The following ERC2 variants were observed in gnomAD, a reference collection of about 807,000 sequenced individuals.
ERC2 encodes the protein ELKS/RAB6-interacting/CAST family member 2.
ERC2 carries 42 observed loss-of-function variants against 114.8 expected under a neutral mutation model. The observed-to-expected ratio is 0.37, with a 90% confidence interval of 0.29 to 0.47. The LOEUF is 0.47. Among genes scored for constraint, ERC2 ranks in the 20% least tolerant of loss-of-function variants. The pLI, the probability that ERC2 is intolerant of heterozygous loss-of-function variation, is 0.99. For missense variants in ERC2, 939 were observed against 1,150.7 expected (o/e 0.82, Z 2.66); for synonymous variants, 454 against 425.5 (o/e 1.07, Z -0.82).
chr3:56,408,096 C>A (rs897627460), intron 2 of ERC2, among the ~76,000 whole-genome samples: 1 of 152,138 alleles, frequency 6.6e-6, no homozygotes, highest in Non-Finnish European at 1.5e-5. Context: ...GAAATAATGT[C>A]CACCTCACCC....
intron 2 of ERC2, among the ~76,000 whole-genome samples, chr3:56,307,355 A>C (rs188329152): frequency 6.6e-6 from 1 of 152,326 alleles, no homozygotes; most frequent in East Asian, 1.9e-4. Context: ...TTTTCCATGC[A>C]GTGCACAATT....
At chr3:56,158,148 C>A (rs954853517) in intron 4 of ERC2, among the ~76,000 whole-genome samples, 1 of 152,164 alleles carries the variant, frequency 6.6e-6, no homozygotes. Context: ...AGTCATCAAG[C>A]CTCAGACTTG....
intron 6 of ERC2, among the ~76,000 whole-genome samples, chr3:56,093,134 A>G (rs2077883587): frequency 6.6e-6 from 1 of 151,990 alleles, no homozygotes. Flanking sequence ...TCTCTCAAAT[A>G]CTCCTGGAGG....
At chr3:56,285,095 T>C (rs2054605392) in intron 3 of ERC2, among the ~76,000 whole-genome samples, 1 of 127,490 alleles carries the variant, frequency 7.8e-6, no homozygotes, top group African/African-American at 3.1e-5. Flanking sequence ...AGGCTCAAGC[T>C]CCCCCCCATC....
chr3:55,688,207 T>C (rs6801294), intron 16 of ERC2, among the ~76,000 whole-genome samples: 20,588 of 152,244 alleles, frequency 0.14, 1,709 homozygotes, highest in East Asian at 0.34. Flanking sequence ...GTTAGCTTAT[T>C]TCTGAGCTGG....
Position 56,226,802 on chromosome 3 carries a change from C to T in ERC2, c.1075-53282G>A, listed in dbSNP as rs79094073. Among the ~76,000 whole-genome samples, 253 of 152,260 alleles carry T rather than the reference C, an allele frequency of 1.7e-3. 2 individuals carry two copies. The highest frequency in any genetic ancestry group is 5.8e-3 in the African/African-American group (241 of 41,556). On this transcript the variant is annotated intron_variant, in intron 3 of 17. Coordinates refer to ENST00000288221, the MANE Select transcript of ERC2 (RefSeq NM_015576.3). ...TCCTAACATCCTTCTTGGCAACCTC[C>T]ACCTTCCTACGACAGACTCATCCAA...
chr3:55,794,438 G>C (rs1259230476), intron 14 of ERC2, among the ~76,000 whole-genome samples: 1 of 152,066 alleles, frequency 6.6e-6, no homozygotes, highest in Non-Finnish European at 1.5e-5. Flanking sequence ...TCCATTTTTA[G>C]TTGTATTAAT....
chr3:56,150,088 C>T (rs1401642716), intron 4 of ERC2, among the ~76,000 whole-genome samples: 1 of 152,130 alleles, frequency 6.6e-6, no homozygotes, highest in Non-Finnish European at 1.5e-5. Flanking sequence ...TCCCATCTGC[C>T]TGCCATTTTA....
At chr3:55,627,432 C>T (rs2059563464) in intron 17 of ERC2, among the ~76,000 whole-genome samples, 1 of 151,894 alleles carries the variant, frequency 6.6e-6, no homozygotes, top group African/African-American at 2.4e-5. Context: ...CGCCATTGTA[C>T]CCTAGCCTGG....
chr3:55,852,803 T>A (rs2061629922), intron 14 of ERC2, among the ~76,000 whole-genome samples: 1 of 152,204 alleles, frequency 6.6e-6, no homozygotes, highest in South Asian at 2.1e-4. Context: ...AATTACTCAA[T>A]AAAAATACAT....
chr3:56,454,252 A>G (rs554840014), intron 1 of ERC2, among the ~76,000 whole-genome samples: 1 of 152,302 alleles, frequency 6.6e-6, no homozygotes, highest in East Asian at 1.9e-4. Context: ...TCCAAATTCC[A>G]GTTTCTCCAC....
At chr3:55,924,898 T>C (rs980415137) in intron 13 of ERC2, among the ~76,000 whole-genome samples, 7 of 152,182 alleles carry the variant, frequency 4.6e-5, no homozygotes, top group African/African-American at 1.7e-4. Flanking sequence ...GAGCTTGATC[T>C]GACTAGGGGC....
At chr3:56,175,854 G>T (rs2082947916) in intron 3 of ERC2, among the ~76,000 whole-genome samples, 1 of 152,172 alleles carries the variant, frequency 6.6e-6, no homozygotes, top group Non-Finnish European at 1.5e-5. Context: ...TTATTTAATT[G>T]TGAGTTTGTA....
intron 17 of ERC2, among the ~76,000 whole-genome samples, chr3:55,614,987 A>G (rs536389928): frequency 6.6e-6 from 1 of 152,366 alleles, no homozygotes; most frequent in South Asian, 2.1e-4. Flanking sequence ...ACACCCAATG[A>G]TAGGAACCAT....
intron 6 of ERC2, among the ~76,000 whole-genome samples, chr3:56,117,318 C>T (rs2079292831): frequency 6.6e-6 from 1 of 152,156 alleles, no homozygotes; most frequent in South Asian, 2.1e-4. Flanking sequence ...TGTGCTTTCT[C>T]ACTTATCTGG....
intron 14 of ERC2, among the ~76,000 whole-genome samples, chr3:55,820,526 G>T (rs1442775506): frequency 1.3e-5 from 2 of 152,128 alleles, no homozygotes; most frequent in Non-Finnish European, 2.9e-5. Context: ...AGCACTTATG[G>T]TGTCTGACCT....
At chr3:56,266,169 C>A in intron 3 of ERC2, among the ~76,000 whole-genome samples, 1 of 129,998 alleles carries the variant, frequency 7.7e-6, no homozygotes, top group African/African-American at 2.9e-5. Context: ...CTTGCTCTGT[C>A]TCCCAGGCTG....
intron 2 of ERC2, among the ~76,000 whole-genome samples, chr3:56,315,001 T>C (rs1224349610): frequency 6.6e-6 from 1 of 152,162 alleles, no homozygotes; most frequent in Non-Finnish European, 1.5e-5. Context: ...CGAGCCAGAG[T>C]TCCACACTGG....
intron 2 of ERC2, among the ~76,000 whole-genome samples, chr3:56,311,237 CTCTCTCTCTCTCTCTCTCTATATA>C (rs2056531956): frequency 6.1e-5 from 1 of 16,374 alleles, no homozygotes; most frequent in Admixed American, 8.9e-4. Flanking sequence ...CATCTTCTCT[CTCTCTCTCTCTCTCTCTCTATATA>C]TATATATATA....
Sources: allele counts gnomAD v4.1 joint callset (sites outside exome capture counted in the v4.1 genomes callset), GRCh38; gene constraint gnomAD v4.1.1; transcripts MANE v1.5; gene names NCBI Gene and HGNC (gene_info 2026-07-23, HGNC 2026-07-21).